The following PTPRT variants were observed in gnomAD, a reference collection of about 807,000 sequenced individuals.
The protein encoded by PTPRT is protein tyrosine phosphatase receptor type T, also known as receptor-type tyrosine-protein phosphatase T.
In PTPRT, 56 loss-of-function variants were observed where a neutral mutation model predicts 176.8. That is an observed-to-expected ratio of 0.32 (90% CI 0.26 to 0.40). The LOEUF (loss-of-function observed/expected upper bound fraction) is 0.40. Among genes scored for constraint, PTPRT ranks in the 10% least tolerant of loss-of-function variants. The pLI is 1.00. For missense variants in PTPRT, 1,540 were observed against 1,908.2 expected, an observed-to-expected ratio of 0.81 and a Z score of 3.60; for synonymous variants, 783 against 739.0, an observed-to-expected ratio of 1.06 and a Z score of -0.96.
At chr20:42,595,079 C>T (rs886641351) in intron 7 of PTPRT, among the ~76,000 whole-genome samples, 3 of 152,034 alleles carry the variant, frequency 2.0e-5, no homozygotes, top group East Asian at 1.9e-4. Context: ...CTTGGGGCTG[C>T]GTTGTCACTC....
Position 42,774,391 on chromosome 20 carries a change from G to A in PTPRT, c.569-2841C>T, listed in dbSNP as rs533471431. Among the ~76,000 whole-genome samples, 82 of 152,268 alleles carry A rather than the reference G, an allele frequency of 5.4e-4. 2 individuals carry two copies. In the South Asian group the frequency reaches 0.01, roughly 19 times the overall value. ...GGAACTGGAGAGAGACTCTGAAAGGGGACACTGAAAGGGGGCAGCTCCTAC... is the reference window on the plus strand; with the variant it reads ...GGAACTGGAGAGAGACTCTGAAAGGAGACACTGAAAGGGGGCAGCTCCTAC... On this transcript the variant is annotated intron_variant, in intron 4 of 30. Coordinates refer to ENST00000373187, the MANE Select transcript of PTPRT (RefSeq NM_007050.6).
chr20:42,302,683 G>GT (rs942965602), intron 12 of PTPRT, among the ~76,000 whole-genome samples: 1 of 152,168 alleles, frequency 6.6e-6, no homozygotes, highest in Non-Finnish European at 1.5e-5. Context: ...GGCAGGAACT[G>GT]TAACTTATTT....
chr20:42,397,064 T>C (rs567491790), intron 9 of PTPRT, among the ~76,000 whole-genome samples: 4 of 152,336 alleles, frequency 2.6e-5, no homozygotes, highest in East Asian at 1.9e-4. Context: ...TGATTTACTA[T>C]ATATTCATTT....
At chr20:42,213,609 C>T (rs2055697899) in intron 15 of PTPRT, among the ~76,000 whole-genome samples, 3 of 152,200 alleles carry the variant, frequency 2.0e-5, no homozygotes, top group Admixed American at 1.3e-4. Flanking sequence ...ACTAGGGTGG[C>T]TCTGATTCCC....
At chr20:43,145,813 T>C (rs2014151517) in intron 1 of PTPRT, among the ~76,000 whole-genome samples, 1 of 152,238 alleles carries the variant, frequency 6.6e-6, no homozygotes, top group Non-Finnish European at 1.5e-5. Context: ...ATAAATTACT[T>C]CTGCCATTCT....
At chr20:42,945,177 C>G (rs1310019494) in intron 1 of PTPRT, among the ~76,000 whole-genome samples, 1 of 150,646 alleles carries the variant, frequency 6.6e-6, no homozygotes, top group East Asian at 1.9e-4. Context: ...TAATGTAACT[C>G]TAAAGATACA....
intron 1 of PTPRT, among the ~76,000 whole-genome samples, chr20:43,072,372 A>G (rs1479188945): frequency 6.6e-6 from 1 of 152,192 alleles, no homozygotes; most frequent in East Asian, 1.9e-4. Context: ...CAGTCCATGT[A>G]ATTGCAAGTG....
intron 5 of PTPRT, among the ~76,000 whole-genome samples, chr20:42,759,030 G>C (rs1054566939): frequency 6.6e-6 from 1 of 152,150 alleles, no homozygotes; most frequent in Non-Finnish European, 1.5e-5. Flanking sequence ...GGAGAAAGGC[G>C]GGAAAATTCC....
chr20:43,004,946 C>T (rs2146137996), intron 1 of PTPRT, among the ~76,000 whole-genome samples: 1 of 152,198 alleles, frequency 6.6e-6, no homozygotes, highest in South Asian at 2.1e-4. Flanking sequence ...ATATAAGATA[C>T]ATATGTTTAG....
intron 6 of PTPRT, among the ~76,000 whole-genome samples, chr20:42,704,052 C>T (rs2146172682): frequency 6.6e-6 from 1 of 152,088 alleles, no homozygotes; most frequent in African/African-American, 2.4e-5. Context: ...TTTTTCTAAG[C>T]AAGACAAAAC....
intron 11 of PTPRT, among the ~76,000 whole-genome samples, chr20:42,320,197 T>A (rs1017905166): frequency 6.6e-6 from 1 of 152,212 alleles, no homozygotes; most frequent in Admixed American, 6.5e-5. Context: ...ACTCTTACTT[T>A]CAGTATCTCC....
intron 15 of PTPRT, among the ~76,000 whole-genome samples, chr20:42,233,319 A>G (rs1197991941): frequency 6.6e-6 from 1 of 152,210 alleles, no homozygotes; most frequent in Non-Finnish European, 1.5e-5. Flanking sequence ...AGTCATATGC[A>G]TATGACTCAC....
intron 7 of PTPRT, among the ~76,000 whole-genome samples, chr20:42,544,031 G>A (rs1038888297): frequency 3.0e-4 from 45 of 152,128 alleles, no homozygotes; most frequent in African/African-American, 1.1e-3. Context: ...TAGTGTTTAA[G>A]AGTCCCAGGA....
intron 8 of PTPRT, among the ~76,000 whole-genome samples, chr20:42,450,180 G>A (rs1485077095): frequency 6.6e-6 from 1 of 152,204 alleles, no homozygotes; most frequent in Non-Finnish European, 1.5e-5. Flanking sequence ...GAGCAATGCT[G>A]GAATGAGCAT....
At chr20:42,971,322 G>T (rs953656862) in intron 1 of PTPRT, 1 of 152,128 alleles carries the variant, frequency 6.6e-6, no homozygotes, top group African/African-American at 2.4e-5. Context: ...CAAACTAAAA[G>T]TTTCCCCAAA....
chr20:42,375,663 A>G (rs2058642393), intron 9 of PTPRT, among the ~76,000 whole-genome samples: 1 of 152,228 alleles, frequency 6.6e-6, no homozygotes, highest in Admixed American at 6.5e-5. Context: ...GAACAAAGGA[A>G]CTAAGAGAGG....
chr20:42,985,414 G>A (rs1352614892), intron 1 of PTPRT, among the ~76,000 whole-genome samples: 1 of 152,074 alleles, frequency 6.6e-6, no homozygotes, highest in African/African-American at 2.4e-5. Context: ...AGAATCACTT[G>A]AACCCAGGAG....
chr20:42,339,994 C>T (rs1454672583), intron 11 of PTPRT, among the ~76,000 whole-genome samples: 2 of 152,178 alleles, frequency 1.3e-5, no homozygotes, highest in Non-Finnish European at 2.9e-5. Flanking sequence ...AATAACCTCT[C>T]TGAAACCAAA....
intron 8 of PTPRT, among the ~76,000 whole-genome samples, chr20:42,456,320 T>C (rs1358738605): frequency 1.3e-5 from 2 of 152,056 alleles, no homozygotes; most frequent in African/African-American, 4.8e-5. Flanking sequence ...TATGTAGAGA[T>C]AATTGTAGCA....
Sources: allele counts gnomAD v4.1 joint callset (sites outside exome capture counted in the v4.1 genomes callset), GRCh38; gene constraint gnomAD v4.1.1; transcripts MANE v1.5; gene names NCBI Gene and HGNC (gene_info 2026-07-23, HGNC 2026-07-21).